ZNF680: variants seen among roughly 807,000 people sequenced by gnomAD.
ZNF680 encodes the protein zinc finger protein 680.
In ZNF680, 6 loss-of-function variants were observed where a neutral mutation model predicts 12.1. The observed-to-expected ratio is 0.49, with a 90% CI of 0.27 to 0.98. ZNF680 has a LOEUF of 0.98. ZNF680 is among the 50% of genes least tolerant of loss of function. The pLI is 0.12. For missense variants in ZNF680, 561 were observed against 616.3 expected (o/e 0.91, Z 0.95); for synonymous variants, 170 against 199.3 (o/e 0.85, Z 1.24).
chr7:64,555,691 T>TA (rs1397861532), intron 1 of ZNF680, among the ~76,000 whole-genome samples: 1 of 146,038 alleles, frequency 6.8e-6, no homozygotes, highest in African/African-American at 2.5e-5. Flanking sequence ...AGAAAAAAAA[T>TA]ACGAGACCAA....
At chr7:64,508,590 C>G in the ZNF680 span, among the ~76,000 whole-genome samples, 1 of 152,116 alleles carries the variant, frequency 6.6e-6, no homozygotes, top group East Asian at 1.9e-4. Flanking sequence ...TAACTTTAAC[C>G]CTTTACTTTC....
At position 64,520,937 on chromosome 7, in the gene ZNF680, C is replaced by A. The variant is rs937995764; in HGVS notation, c.*224G>T. 3.6e-5 allele frequency: 16 copies of A among 447,326 alleles called. No homozygotes were observed. Among genetic ancestry groups the A allele is most frequent in the Middle Eastern group, 6.2e-4 (1 of 1,624 alleles). The allele number at this position is 447,326 out of a possible 1,614,324, so 27.7% of individuals were successfully genotyped here. On this transcript the variant is annotated 3_prime_UTR_variant, in exon 4 of 4. Transcript: ENST00000309683. The stretch of plus-strand genomic sequence containing the variant: ...TGAAAAGATATCAATGACTTTTTCA[C>A]ATTCTTTATACTTGTACAATCTTTC...
chr7:64,531,049 T>C (rs1193816447), intron 3 of ZNF680, among the ~76,000 whole-genome samples: 1 of 151,890 alleles, frequency 6.6e-6, no homozygotes, highest in Non-Finnish European at 1.5e-5. Context: ...ATTTCAATAG[T>C]CCACTGACAG....
At chr7:64,532,262 A>ACG (rs1785926165) in intron 3 of ZNF680, among the ~76,000 whole-genome samples, 1 of 151,380 alleles carries the variant, frequency 6.6e-6, no homozygotes, top group Non-Finnish European at 1.5e-5. Context: ...CCGAGATCGT[A>ACG]CCACTGCACT....
At chr7:64,541,806 C>T (rs1195001064) in intron 3 of ZNF680, among the ~76,000 whole-genome samples, 1 of 152,168 alleles carries the variant, frequency 6.6e-6, no homozygotes, top group Non-Finnish European at 1.5e-5. Flanking sequence ...AGGAAGACAG[C>T]CATTTATAGC....
At chr7:64,509,253 C>T in the ZNF680 span, among the ~76,000 whole-genome samples, 1 of 152,296 alleles carries the variant, frequency 6.6e-6, no homozygotes, top group African/African-American at 2.4e-5. Flanking sequence ...CCATGGGGAG[C>T]CTTGTCAGCC....
At chr7:64,500,800 C>A in the ZNF680 span, 1 of 347,346 alleles carries the variant, frequency 2.9e-6, no homozygotes, top group Non-Finnish European at 5.9e-6. Flanking sequence ...CTGTTTTTGG[C>A]TTTGTGGGAA....
chr7:64,515,567 T>TG (rs1196723749), downstream of ZNF680, among the ~76,000 whole-genome samples: 1 of 151,560 alleles, frequency 6.6e-6, no homozygotes, highest in Non-Finnish European at 1.5e-5. Context: ...AAATGCAGCC[T>TG]GGAAAAAAAA....
the ZNF680 span, among the ~76,000 whole-genome samples, chr7:64,509,701 A>G: frequency 6.6e-6 from 1 of 152,134 alleles, no homozygotes; most frequent in Non-Finnish European, 1.5e-5. Flanking sequence ...GAAATCCAGC[A>G]GGGCAAAAGG....
rs960335834 is a variant in ZNF680, at chr7:64,527,022, G to A, written c.254-4522C>T. On this transcript the variant is annotated intron_variant, in intron 3 of 3. Coordinates refer to ENST00000309683, the MANE Select transcript of ZNF680 (RefSeq NM_178558.5). ...GGAGGCCGAGGTGGGCCGATCACCTGAGGTCGGGAGTTCGAGGCCATCCTG... is the reference window on the plus strand; with the variant it reads ...GGAGGCCGAGGTGGGCCGATCACCTAAGGTCGGGAGTTCGAGGCCATCCTG... 2.6e-5 allele frequency among the ~76,000 whole-genome samples: 4 copies of A among 152,102 alleles called. No homozygotes were observed. In the South Asian group the frequency reaches 8.3e-4, roughly 32 times the overall value.
At chr7:64,502,830 T>A in the ZNF680 span, among the ~76,000 whole-genome samples, 1 of 152,142 alleles carries the variant, frequency 6.6e-6, no homozygotes, top group African/African-American at 2.4e-5. Flanking sequence ...GCAATGCAGG[T>A]TGTACACTAA....
chr7:64,537,647 G>A (rs753997870), intron 3 of ZNF680, among the ~76,000 whole-genome samples: 7 of 152,176 alleles, frequency 4.6e-5, no homozygotes, highest in Non-Finnish European at 8.8e-5. Flanking sequence ...AGAATAGACG[G>A]CCAGGTGCGC....
intron 1 of ZNF680, among the ~76,000 whole-genome samples, chr7:64,562,464 C>T (rs1457166387): frequency 6.6e-6 from 1 of 152,154 alleles, no homozygotes; most frequent in Non-Finnish European, 1.5e-5. Flanking sequence ...TCCTTCAAGC[C>T]CCTCCCATGG....
chr7:64,538,644 A>G (rs915147398), intron 3 of ZNF680, among the ~76,000 whole-genome samples: 8 of 152,224 alleles, frequency 5.3e-5, no homozygotes, highest in Non-Finnish European at 1.0e-4. Context: ...AAAATTTGCA[A>G]CAAAAACACG....
the ZNF680 span, among the ~76,000 whole-genome samples, chr7:64,499,592 C>A: frequency 6.6e-6 from 1 of 152,096 alleles, no homozygotes; most frequent in African/African-American, 2.4e-5. Flanking sequence ...CCCATCTCTA[C>A]CAAAAACACA....
intron 3 of ZNF680, among the ~76,000 whole-genome samples, chr7:64,535,431 GGAGA>G (rs372915423): frequency 4.2e-5 from 6 of 142,586 alleles, no homozygotes; most frequent in Non-Finnish European, 7.7e-5. Flanking sequence ...AGGGAGGGAG[GGAGA>G]GAGAGAGAGA....
At chr7:64,544,674 T>C (rs1337399071) in intron 1 of ZNF680, among the ~76,000 whole-genome samples, 1 of 152,180 alleles carries the variant, frequency 6.6e-6, no homozygotes, top group African/African-American at 2.4e-5. Context: ...GTATATATAC[T>C]TTTTTGAAGA....
chr7:64,514,018 A>G, the ZNF680 span, among the ~76,000 whole-genome samples: 1 of 152,188 alleles, frequency 6.6e-6, no homozygotes, highest in South Asian at 2.1e-4. Flanking sequence ...TCATTTTAGC[A>G]AAACAAATAA....
chr7:64,502,018 TTC>T, the ZNF680 span, among the ~76,000 whole-genome samples: 2,969 of 84,642 alleles, frequency 0.035, 151 homozygotes, highest in East Asian at 0.17. Flanking sequence ...TTTTTTTTTT[TTC>T]CTGAGATGGA....
Sources: allele counts gnomAD v4.1 joint callset (sites outside exome capture counted in the v4.1 genomes callset), GRCh38; gene constraint gnomAD v4.1.1; transcripts MANE v1.5; gene names NCBI Gene and HGNC (gene_info 2026-07-23, HGNC 2026-07-21).